The following PCM1 variants were observed in gnomAD, a reference collection of about 807,000 sequenced individuals.
PCM1 encodes pericentriolar material 1, also known as pericentriolar material 1 protein.
A neutral mutation model predicts 241.9 loss-of-function variants in PCM1; 157 were observed. The ratio of observed to expected loss-of-function variants is 0.65; its 90% CI spans 0.57 to 0.74. The LOEUF (loss-of-function observed/expected upper bound fraction) is 0.74. PCM1 is among the 30% of genes least tolerant of loss of function. PCM1 has a pLI of 0.00. For missense variants in PCM1, 3,478 were observed against 2,360.1 expected (o/e 1.47, Z -9.81); for synonymous variants, 1,085 against 784.9 (o/e 1.38, Z -6.39).
At position 17,937,252 on chromosome 8, in the gene PCM1, T is replaced by C; in HGVS notation, c.215T>C (p.Val72Ala). ...NDISPESSPG[V>A]GRRRTKTPHT... ...ATTTCTCCGGAGTCGTCACCAGGAG[T>C]TGGAAGGCGAAGAACAAAGACTCCA... Residue 72 changes from valine (V) to alanine (A), a missense_variant, in exon 4 of 39, where the codon GTT becomes GCT. By Grantham distance (64) the Val-to-Ala change is moderately conservative (BLOSUM62 0). Coordinates refer to ENST00000325083, the MANE Select transcript of PCM1 (RefSeq NM_006197.4). The C allele has an allele frequency of 6.2e-7, 1 of 1,610,916 alleles. No homozygotes were observed. Among genetic ancestry groups the C allele is most frequent in the East Asian group, 2.2e-5 (1 of 44,814 alleles).
intron 24 of PCM1, among the ~76,000 whole-genome samples, chr8:17,981,222 G>C (rs2080662914): frequency 2.0e-5 from 3 of 152,130 alleles, no homozygotes; most frequent in Admixed American, 2.0e-4. Context: ...CACTGAACTG[G>C]AGTTTTTGTA....
Position 17,937,204 on chromosome 8 carries a change from G to A in PCM1, c.167G>A (p.Ser56Asn). Reference sequence around the variant, plus strand: ...AATAAGAAAAAGTTTGGTGTAGAAAGTGATAAAAGAGTAACCAATGATATT... The same window carrying A: ...AATAAGAAAAAGTTTGGTGTAGAAAATGATAAAAGAGTAACCAATGATATT... Reference protein sequence around the residue: ...EKNKKKFGVESDKRVTNDISP... With the variant: ...EKNKKKFGVENDKRVTNDISP... Residue 56 changes from serine (S) to asparagine (N), a missense_variant, in exon 4 of 39, where the codon AGT (serine) becomes AAT (asparagine). By Grantham distance (46) the Ser-to-Asn change is conservative. Coordinates refer to ENST00000325083, the MANE Select transcript of PCM1 (RefSeq NM_006197.4). 3.7e-6 allele frequency: 6 copies of A among 1,603,068 alleles called. No homozygotes were observed. Among genetic ancestry groups the A allele is most frequent in the Admixed American group, 1.7e-5 (1 of 58,562 alleles).
At position 18,027,752 on chromosome 8, in the gene PCM1, A is replaced by AC; in HGVS notation, c.*90_*91insC. 1 of 926,940 alleles carries AC rather than the reference A, an allele frequency of 1.1e-6. No homozygotes were observed. The allele number at this position is 926,940 out of a possible 1,614,324, so 57.4% of individuals were successfully genotyped here. The stretch of plus-strand genomic sequence containing the variant: ...AAATAAACATCTGATCTGTATAAAA[A>AC]TGTAAATTAGTTTGACACTGCTTTT... On this transcript the variant is annotated 3_prime_UTR_variant, in exon 39 of 39. Transcript: ENST00000325083.
chr8:18,020,355 A>G (rs1215483375), intron 36 of PCM1, among the ~76,000 whole-genome samples: 1 of 152,214 alleles, frequency 6.6e-6, no homozygotes, highest in Non-Finnish European at 1.5e-5. Flanking sequence ...AATGTTACCT[A>G]CAAGTTACAC....
Position 17,939,928 on chromosome 8 carries a change from A to T in PCM1, c.783+67A>T, listed in dbSNP as rs562649537. On this transcript the variant is annotated intron_variant, in intron 6 of 38. Transcript: ENST00000325083. ...ATCTCAGTGTGTATTTACTGATGAC[A>T]TTCTGATGCCACCCCAGAGGAGTTA... 1.2e-5 allele frequency: 14 copies of T among 1,120,906 alleles called. No homozygotes were observed. The African/African-American group carries it at 2.2e-4, about 17-fold the overall frequency. The allele number at this position is 1,120,906 out of a possible 1,614,324, so 69.4% of individuals were successfully genotyped here.
At chr8:17,927,921 T>G (rs1585431251) in intron 2 of PCM1, 1 of 148,104 alleles carries the variant, frequency 6.8e-6, no homozygotes, top group East Asian at 1.9e-4. Context: ...TAGTATATTT[T>G]CATTTTTGTG....
chr8:18,019,707 A>T (rs550397554), intron 36 of PCM1, among the ~76,000 whole-genome samples: 1 of 152,092 alleles, frequency 6.6e-6, no homozygotes, highest in East Asian at 1.9e-4. Context: ...TCAGGTGAGA[A>T]TGTGAGTGAT....
At chr8:17,948,295 T>TG (rs2064623273) in intron 7 of PCM1, among the ~76,000 whole-genome samples, 3 of 15,338 alleles carry the variant, frequency 2.0e-4, no homozygotes, top group South Asian at 2.7e-3. Flanking sequence ...AAATAACCTC[T>TG]TTTTTTTTTT....
At chr8:18,001,995 CTTTTTTTTTTTTTTTTTTTTTTTTT>C (rs1166401113) in intron 29 of PCM1, among the ~76,000 whole-genome samples, 48 of 23,410 alleles carry the variant, frequency 2.1e-3, no homozygotes, top group Non-Finnish European at 3.0e-3. Context: ...TCTAACCTTT[CTTTTTTTTTTTTTTTTTTTTTTTTT>C]TTTTTTTTTT....
chr8:17,985,410 C>T (rs769141457), intron 24 of PCM1, 37 bp from the exon 25 acceptor site: 2 of 1,445,878 alleles, frequency 1.4e-6, no homozygotes, highest in East Asian at 2.5e-5. Flanking sequence ...GAAGGTACTT[C>T]ATCAATATTA....
In PCM1 at chr8:17,957,740, C is replaced by T; in HGVS notation, c.2005C>T (p.Leu669Phe). 1.2e-6 allele frequency: 2 copies of T among 1,613,440 alleles called. No homozygotes were observed. The highest frequency in any genetic ancestry group is 1.7e-6 in the Non-Finnish European group (2 of 1,179,608). The change falls in exon 13 of 39, where the codon CTT becomes TTT. Residue 669 changes from leucine (L) to phenylalanine (F), a missense_variant. Coordinates refer to ENST00000325083, the MANE Select transcript of PCM1 (RefSeq NM_006197.4). ...INRLMAAKQK[L>F]RQLQDLVAMV... is the part of the protein sequence containing the mutation. ...CCGACTTATGGCTGCAAAACAGAAA[C>T]TTAGACAGTTACAAGATCTTGTTGC... is the stretch of plus-strand genomic sequence containing the variant.
intron 5 of PCM1, 66 bp from the exon 6 acceptor site, chr8:17,939,625 A>G (rs1006128246): frequency 9.7e-6 from 8 of 827,928 alleles, no homozygotes; most frequent in Admixed American, 7.0e-5. Flanking sequence ...CTATTGAACT[A>G]ATTATCCTTA....
chr8:17,992,001 A>T lies in PCM1; in HGVS notation c.4690+301A>T, dbSNP rs557061630. Reference sequence around the variant, plus strand: ...ACATCACTTAGATTAACGGTCTCCAACTCTACCCAGATGGCTGCAAATGCC... The same window carrying T: ...ACATCACTTAGATTAACGGTCTCCATCTCTACCCAGATGGCTGCAAATGCC... On this transcript the variant is annotated intron_variant, in intron 28 of 38. Coordinates refer to ENST00000325083, the MANE Select transcript of PCM1 (RefSeq NM_006197.4). 3.3e-5 allele frequency among the ~76,000 whole-genome samples: 5 copies of T among 152,146 alleles called. No individual in the cohort carries two copies. The South Asian group carries it at 8.3e-4, about 25-fold the overall frequency.
chr8:18,027,469 C>G (rs1407435183), intron 38 of PCM1, among the ~76,000 whole-genome samples, 168 bp from the exon 39 acceptor site: 2 of 152,130 alleles, frequency 1.3e-5, no homozygotes, highest in African/African-American at 4.8e-5. Context: ...AACGCCTCAC[C>G]TATTCTTTTT....
In PCM1 at chr8:17,953,117, A is replaced by G. The variant is rs1409124808; in HGVS notation, c.1219A>G (p.Lys407Glu). Residue 407 changes from lysine (K) to glutamate (E), a missense_variant, in exon 9 of 39, where the codon AAA (lysine) becomes GAA (glutamate). Physicochemically the swap from Lys to Glu is moderately conservative, Grantham distance 56 (BLOSUM62 1). Transcript: ENST00000325083. Reference protein sequence around the residue: ...FSKMRVLQEKKQKMDKLLGEL... With the variant: ...FSKMRVLQEKEQKMDKLLGEL... ...CAAAATGAGAGTGCTACAGGAAAAG[A>G]AACAAAAAATGGACAAATTGCTTGG... 2 of 1,597,502 alleles carry G rather than the reference A, an allele frequency of 1.3e-6. No individual in the cohort carries two copies. The highest frequency in any genetic ancestry group is 1.7e-6 in the Non-Finnish European group (2 of 1,171,162).
At chr8:18,012,221 C>T (rs966521646) in intron 34 of PCM1, among the ~76,000 whole-genome samples, 4 of 152,112 alleles carry the variant, frequency 2.6e-5, no homozygotes, top group African/African-American at 9.7e-5. Flanking sequence ...TTCACACCGG[C>T]CCTCTCCTTC....
chr8:18,011,207 A>AATTAATTACTCAAATAT lies in PCM1; in HGVS notation c.5221-29_5221-13dup, dbSNP rs753514938. ...TACCTTTTACACATGTACTTTAAGGAATTAATTACTCAAATATTTTTGTGT... is the reference window on the plus strand; with the variant it reads ...TACCTTTTACACATGTACTTTAAGGAATTAATTACTCAAATATATTAATTACTCAAATATTTTTGTGT... On this transcript the variant is annotated intron_variant, in intron 32 of 38. Coordinates refer to ENST00000325083, the MANE Select transcript of PCM1 (RefSeq NM_006197.4). The AATTAATTACTCAAATAT allele has an allele frequency of 1.5e-4, 227 of 1,536,036 alleles. 2 individuals carry two copies. In the South Asian group the frequency reaches 2.1e-3, roughly 14 times the overall value.
chr8:18,010,306 G>C (rs183405262), intron 31 of PCM1, among the ~76,000 whole-genome samples: 1 of 152,242 alleles, frequency 6.6e-6, no homozygotes, highest in African/African-American at 2.4e-5. Flanking sequence ...TCTTTTATGA[G>C]AAGGAAACAA....
chr8:17,947,736 A>G (rs1002073415), intron 7 of PCM1, among the ~76,000 whole-genome samples: 2 of 152,194 alleles, frequency 1.3e-5, no homozygotes, highest in East Asian at 3.9e-4. Flanking sequence ...CTCCCAAGAA[A>G]GGGTTAAAAC....
Sources: allele counts gnomAD v4.1 joint callset (sites outside exome capture counted in the v4.1 genomes callset), GRCh38; gene constraint gnomAD v4.1.1; transcripts MANE v1.5; gene names NCBI Gene and HGNC (gene_info 2026-07-23, HGNC 2026-07-21).